The following TULP4 variants were observed in gnomAD, a reference collection of about 807,000 sequenced individuals.
TULP4 encodes tubby-related protein 4.
TULP4 carries 16 observed loss-of-function variants against 129.0 expected under a neutral mutation model. The ratio of observed to expected loss-of-function variants is 0.12; its 90% CI spans 0.08 to 0.19. The LOEUF is 0.19. Among genes scored for constraint, TULP4 ranks in the 10% least tolerant of loss-of-function variants. The pLI is 1.00. For missense variants in TULP4, 1,842 were observed against 2,059.1 expected, an observed-to-expected ratio of 0.89 and a Z score of 2.04; for synonymous variants, 998 against 854.0, an observed-to-expected ratio of 1.17 and a Z score of -2.94.
intron 1 of TULP4, among the ~76,000 whole-genome samples, chr6:158,332,206 T>G (rs1166056427): frequency 3.8e-4 from 4 of 10,556 alleles, no homozygotes; most frequent in Non-Finnish European, 6.0e-4. Context: ...AAAAAATATA[T>G]ATATATATAT....
chr6:158,299,950 A>T (rs1779104533), intron 1 of TULP4, among the ~76,000 whole-genome samples: 1 of 152,168 alleles, frequency 6.6e-6, no homozygotes, highest in Admixed American at 6.5e-5. Context: ...GGCTAATAGA[A>T]ATGGTGAGAT....
chr6:158,388,565 G>A (rs1163839084), intron 1 of TULP4, among the ~76,000 whole-genome samples: 3 of 150,322 alleles, frequency 2.0e-5, no homozygotes, highest in Non-Finnish European at 3.0e-5. Context: ...TCCTGACCTC[G>A]TGATCCACCT....
rs183114018 is a variant in TULP4, at chr6:158,443,196, A to G, written c.544-5800A>G. Among the ~76,000 whole-genome samples, 373 of 152,070 alleles carry G rather than the reference A, an allele frequency of 2.5e-3. 1 individual carries two copies. The highest frequency in any genetic ancestry group is 8.5e-3 in the African/African-American group (354 of 41,478). On this transcript the variant is annotated intron_variant, in intron 3 of 13. Coordinates refer to ENST00000367097, the MANE Select transcript of TULP4 (RefSeq NM_020245.5). ...ACTGGTTTTCACCGTGTTGGTCAGG[A>G]TGGTCTCGATCTCCTGACCTTGTGA...
chr6:158,506,070 C>G (rs1231482657), intron 13 of TULP4, among the ~76,000 whole-genome samples: 1 of 152,028 alleles, frequency 6.6e-6, no homozygotes, highest in Non-Finnish European at 1.5e-5. Flanking sequence ...TAACATGTTC[C>G]TCAGTCCCCT....
rs551028984 is a variant in TULP4 at position 158,451,093 on chromosome 6, G to A, written c.725-1041G>A. 2.8e-3 allele frequency among the ~76,000 whole-genome samples: 425 copies of A among 151,560 alleles called. 1 individual carries two copies. Among genetic ancestry groups the A allele is most frequent in the African/African-American group, 9.2e-3 (380 of 41,364 alleles). On this transcript the variant is annotated intron_variant, in intron 4 of 13. Transcript: ENST00000367097. The stretch of plus-strand genomic sequence containing the variant: ...AAAAGAAAAAGGAAAAAACAGAAAA[G>A]AAAAGAAAGGAAAAAAAAACAGGAC...
Position 158,368,766 on chromosome 6 carries a change from T to C in TULP4, c.253-44299T>C, listed in dbSNP as rs143356774. 7.3e-4 allele frequency among the ~76,000 whole-genome samples: 112 copies of C among 152,384 alleles called. No homozygotes were observed. The East Asian group carries it at 0.021, about 28-fold the overall frequency. On this transcript the variant is annotated intron_variant, in intron 1 of 13. Coordinates refer to ENST00000367097, the MANE Select transcript of TULP4 (RefSeq NM_020245.5). ...TGTCAGTACCATTTTCATTAAAATA[T>C]ACACACATACTCTCTTTTTCTTTTT...
chr6:158,502,306 C>A lies in TULP4; in HGVS notation c.2643C>A (p.Thr881=), dbSNP rs777843012. ...ACCCCACGTCAGTGCACTACCAGAC[C>A]CCCCTGGGCTATGAGAGGATCACCA... ...SLYPTSVHYQ[T]PLGYERITTF... The change falls in exon 13 of 14, where the codon ACC becomes ACA. Residue 881 remains threonine (T), a synonymous_variant. Coordinates refer to ENST00000367097, the MANE Select transcript of TULP4 (RefSeq NM_020245.5). 21 of 1,613,318 alleles carry A rather than the reference C, an allele frequency of 1.3e-5. No homozygotes were observed. The highest frequency in any genetic ancestry group is 1.5e-5 in the Non-Finnish European group (18 of 1,179,864).
At chr6:158,449,429 T>C (rs1242651938) in intron 4 of TULP4, among the ~76,000 whole-genome samples, 4 of 152,176 alleles carry the variant, frequency 2.6e-5, no homozygotes, top group Admixed American at 2.0e-4. Context: ...TAGCTTTTCC[T>C]AGATATAAAG....
chr6:158,408,591 C>T (rs979243140), intron 1 of TULP4, among the ~76,000 whole-genome samples: 6 of 151,972 alleles, frequency 3.9e-5, no homozygotes, highest in Non-Finnish European at 8.8e-5. Flanking sequence ...GTCAAGCAGA[C>T]GAGGAAAGGG....
chr6:158,308,157 A>C (rs1241415880), upstream of TULP4, among the ~76,000 whole-genome samples: 29 of 41,604 alleles, frequency 7.0e-4, no homozygotes, highest in Admixed American at 1.3e-3. Flanking sequence ...GGCCTTCCGC[A>C]GTGTTTGTGT....
intron 1 of TULP4, among the ~76,000 whole-genome samples, chr6:158,274,706 G>A (rs1562502284): frequency 6.6e-6 from 1 of 152,182 alleles, no homozygotes; most frequent in Non-Finnish European, 1.5e-5. Context: ...GAACCCAGGA[G>A]GCGGAGCTTG....
At chr6:158,428,963 A>C (rs1366916244) in intron 2 of TULP4, among the ~76,000 whole-genome samples, 1 of 152,226 alleles carries the variant, frequency 6.6e-6, no homozygotes, top group Admixed American at 6.5e-5. Context: ...TATGCACTGA[A>C]GTCAGTTTCA....
At chr6:158,505,399 G>A (rs951972849) in intron 13 of TULP4, among the ~76,000 whole-genome samples, 2 of 152,366 alleles carry the variant, frequency 1.3e-5, no homozygotes, top group Middle Eastern at 3.4e-3. Context: ...AGTTTTATTG[G>A]AGCACAGCCA....
At chr6:158,238,904 G>A (rs1777782531) in intron 1 of TULP4, among the ~76,000 whole-genome samples, 1 of 115,732 alleles carries the variant, frequency 8.6e-6, no homozygotes. Flanking sequence ...CCACAAAGCC[G>A]CCATTGTCAT....
chr6:158,462,431 T>C (rs1779449876), intron 6 of TULP4, among the ~76,000 whole-genome samples: 1 of 151,178 alleles, frequency 6.6e-6, no homozygotes, highest in Non-Finnish European at 1.5e-5. Context: ...TGGAGTGCCG[T>C]AGCGCATTCT....
intron 6 of TULP4, among the ~76,000 whole-genome samples, chr6:158,479,234 A>G (rs1303498336): frequency 1.3e-5 from 2 of 152,166 alleles, no homozygotes; most frequent in Non-Finnish European, 2.9e-5. Flanking sequence ...GGGAATCTAG[A>G]AAAACAGCCC....
At chr6:158,305,376 A>G (rs114622177) in intron 1 of TULP4, among the ~76,000 whole-genome samples, 4,755 of 146,618 alleles carry the variant, frequency 0.032, 98 homozygotes, top group Non-Finnish European at 0.041. Flanking sequence ...CATATACCAC[A>G]TTTTGTTTAC....
chr6:158,414,893 TAGAAG>T (rs1414209666), intron 2 of TULP4, among the ~76,000 whole-genome samples: 1 of 152,170 alleles, frequency 6.6e-6, no homozygotes, highest in Non-Finnish European at 1.5e-5. Flanking sequence ...TCTCAGTTAA[TAGAAG>T]AGAAGAATCC....
intron 1 of TULP4, among the ~76,000 whole-genome samples, chr6:158,408,393 A>G (rs1265463579): frequency 6.6e-6 from 1 of 152,200 alleles, no homozygotes; most frequent in African/African-American, 2.4e-5. Context: ...TTTATCTTTT[A>G]TTAAAGAGGA....
Sources: gnomAD v4.1 joint callset for allele counts (sites outside exome capture counted in the v4.1 genomes callset) on GRCh38, gnomAD v4.1.1 for gene constraint, MANE v1.5 for transcripts, NCBI Gene and HGNC (gene_info 2026-07-23, HGNC 2026-07-21) for gene names.